OXNAD1: variants seen among roughly 807,000 people sequenced by gnomAD.
OXNAD1 encodes oxidoreductase NAD-binding domain-containing protein 1.
In OXNAD1, 34 loss-of-function variants were observed where a neutral mutation model predicts 32.9. The observed-to-expected ratio is 1.03, with a 90% confidence interval of 0.79 to 1.38. The LOEUF (loss-of-function observed/expected upper bound fraction) is 1.38, where lower values mean the gene tolerates loss of function less well. Ranked by LOEUF, OXNAD1 falls within the 40% of genes most tolerant of loss-of-function variation. The probability of loss-of-function intolerance (pLI) is 0.00; values close to 1 mark genes in which losing one functional copy is unlikely to be tolerated. For missense variants in OXNAD1, 407 were observed against 379.4 expected (o/e 1.07, Z -0.60); for synonymous variants, 134 against 135.2 (o/e 0.99, Z 0.06).
intron 9 of OXNAD1, among the ~76,000 whole-genome samples, chr3:16,315,184 C>G (rs1191903074): frequency 3.3e-5 from 5 of 152,160 alleles, no homozygotes; most frequent in African/African-American, 7.2e-5. Flanking sequence ...GGTGCAGTCT[C>G]GGCTCACTGC....
In OXNAD1 at chr3:16,342,800, G is replaced by A. The variant is rs1207278881; in HGVS notation, c.*31-6376G>A. Among the ~76,000 whole-genome samples the A allele has an allele frequency of 6.6e-6, 1 of 152,158 alleles. No homozygotes were observed. The highest frequency in any genetic ancestry group is 6.5e-5 in the Admixed American group (1 of 15,284). ...CATGCCCAGCTTATTCAAGTTGGAA[G>A]GGGTCAGGGTGGACCTCTAGTCCAG... On this transcript the variant is annotated intron_variant, in intron 9 of 9. Transcript: ENST00000606098. The surrounding 1 kb of genome is among the most constrained non-coding windows in gnomAD (Gnocchi z 4.0).
At position 16,302,676 on chromosome 3, in the gene OXNAD1, A is replaced by G. The variant is rs2067273447; in HGVS notation, c.712A>G (p.Lys238Glu). The change falls in exon 8 of 9, where the codon AAG (lysine) becomes GAG (glutamate). Residue 238 changes from lysine to glutamate, a missense_variant. Coordinates refer to ENST00000285083, the MANE Select transcript of OXNAD1 (RefSeq NM_138381.5). This position sits in a 1 kb window ranked among gnomAD's most constrained non-coding sequence, Gnocchi z 4.2. ...TGATTTAGTAAATGAATTTCCTGAG[A>G]AGATTGCATGCAGTTTGCATGTTAC... is the stretch of plus-strand genomic sequence containing the variant. Reference protein sequence around the residue: ...ILDLVNEFPEKIACSLHVTKQ... With the variant: ...ILDLVNEFPEEIACSLHVTKQ... 6.2e-7 allele frequency: 1 copy of G among 1,613,452 alleles called. No individual in the cohort carries two copies. The highest frequency in any genetic ancestry group is 8.5e-7 in the Non-Finnish European group (1 of 1,179,578).
Position 16,280,929 on chromosome 3 carries a change from T to C in OXNAD1, c.184-5413T>C, listed in dbSNP as rs1210988643. Among the ~76,000 whole-genome samples, 2 of 152,248 alleles carry C rather than the reference T, an allele frequency of 1.3e-5. No homozygotes were observed. The highest frequency in any genetic ancestry group is 6.5e-5 in the Admixed American group (1 of 15,288). ...TTATGGAAAACTTCATTTCCTGCCATGTGTTTTAACTTAGGACATGGATAG... is the reference window on the plus strand; with the variant it reads ...TTATGGAAAACTTCATTTCCTGCCACGTGTTTTAACTTAGGACATGGATAG... On this transcript the variant is annotated intron_variant, in intron 4 of 8. Coordinates refer to ENST00000285083, the MANE Select transcript of OXNAD1 (RefSeq NM_138381.5). The surrounding 1 kb of genome is among the most constrained non-coding windows in gnomAD (Gnocchi z 4.5).
chr3:16,287,307 TAGA>T lies in OXNAD1; in HGVS notation c.290+862_290+864del, dbSNP rs147256827. On this transcript the variant is annotated intron_variant, in intron 5 of 8. Transcript: ENST00000285083. The surrounding 1 kb of genome is among the most constrained non-coding windows in gnomAD (Gnocchi z 4.8). ...AGTCCATCTGGAAATGTGGTTTTGT[TAGA>T]AGGAGGATGTGTGATAATAGCAAGT... Among the ~76,000 whole-genome samples, 425 of 152,316 alleles carry T rather than the reference TAGA, an allele frequency of 2.8e-3. 1 individual carries two copies. Among genetic ancestry groups the T allele is most frequent in the African/African-American group, 1.0e-2 (414 of 41,564 alleles).
In OXNAD1 at chr3:16,290,438, A is replaced by G. The variant is rs2066355563; in HGVS notation, c.290+3990A>G. On this transcript the variant is annotated intron_variant, in intron 5 of 8. Transcript: ENST00000285083. This position sits in a 1 kb window ranked among gnomAD's most constrained non-coding sequence, Gnocchi z 4.2. Reference sequence around the variant, plus strand: ...GGTAGCTTTCCAGAGTTACTAGAGAAGAGGGTTGGTTCCCTTTCATTCAAC... The same window carrying G: ...GGTAGCTTTCCAGAGTTACTAGAGAGGAGGGTTGGTTCCCTTTCATTCAAC... 6.6e-6 allele frequency among the ~76,000 whole-genome samples: 1 copy of G among 152,212 alleles called. No individual in the cohort carries two copies. The highest frequency in any genetic ancestry group is 1.5e-5 in the Non-Finnish European group (1 of 68,040).
Position 16,286,386 on chromosome 3 carries a change from G to A in OXNAD1, c.228G>A (p.Pro76=), listed in dbSNP as rs374025236. The A allele has an allele frequency of 5.6e-5, 91 of 1,613,848 alleles. No individual in the cohort carries two copies. The highest frequency in any genetic ancestry group is 7.1e-5 in the Non-Finnish European group (84 of 1,179,868). Residue 76 remains proline (P), a synonymous_variant, in exon 5 of 9, where the codon CCG becomes CCA. Transcript: ENST00000285083. ...AKVCGAASES[P]SVKSLRLLVA... is the part of the protein sequence containing the mutation. The stretch of plus-strand genomic sequence containing the variant: ...TGTGTGGAGCTGCCAGTGAGTCACC[G>A]TCAGTGAAGAGCCTCCGCTTGCTTG...
intron 4 of OXNAD1, among the ~76,000 whole-genome samples, chr3:16,278,984 G>T (rs2065549822): frequency 6.6e-6 from 1 of 152,230 alleles, no homozygotes; most frequent in Non-Finnish European, 1.5e-5. Flanking sequence ...GCATGTCAAG[G>T]AGATTGTGGT....
At chr3:16,279,696 A>G (rs2065611327) in intron 4 of OXNAD1, among the ~76,000 whole-genome samples, 1 of 152,022 alleles carries the variant, frequency 6.6e-6, no homozygotes, top group African/African-American at 2.4e-5. Context: ...GGGGAAAAGT[A>G]TTTCAAGAAA....
chr3:16,268,236 C>G (rs1307105886), intron 1 of OXNAD1, among the ~76,000 whole-genome samples: 1 of 148,360 alleles, frequency 6.7e-6, no homozygotes, highest in Non-Finnish European at 1.5e-5. Context: ...TAAAAATGTC[C>G]TTTATTTACC....
At chr3:16,351,165 T>C (rs1443349789), downstream of OXNAD1, among the ~76,000 whole-genome samples, 1 of 152,086 alleles carries the variant, frequency 6.6e-6, no homozygotes, top group Non-Finnish European at 1.5e-5. The surrounding 1 kb of genome is among the most constrained non-coding windows in gnomAD (Gnocchi z 5.4). Flanking sequence ...AATAGAGGAA[T>C]GGAAGATGGA....
At position 16,284,728 on chromosome 3, in the gene OXNAD1, G is replaced by A. The variant is rs1575093489; in HGVS notation, c.184-1614G>A. On this transcript the variant is annotated intron_variant, in intron 4 of 8. Coordinates refer to ENST00000285083, the MANE Select transcript of OXNAD1 (RefSeq NM_138381.5). The surrounding 1 kb of genome is among the most constrained non-coding windows in gnomAD (Gnocchi z 4.1). ...CCCAGCAACCCTATGAGGTATAGGT[G>A]GTATTATTCTCATTTTATAGCTGAG... Among the ~76,000 whole-genome samples, 1 of 152,168 alleles carries A rather than the reference G, an allele frequency of 6.6e-6. No individual in the cohort carries two copies. The highest frequency in any genetic ancestry group is 2.1e-4 in the South Asian group (1 of 4,834).
rs528792217 is a variant in OXNAD1, at chr3:16,316,134, C to T, written c.*30+12542C>T. 2.0e-5 allele frequency: 3 copies of T among 153,376 alleles called. No individual in the cohort carries two copies. The highest frequency in any genetic ancestry group is 4.8e-5 in the African/African-American group (2 of 41,588). 9.5% of individuals were successfully genotyped at this position (153,376 alleles called of 1,614,324 possible). ...TGTGGTTTGTATGATGTGCTGAGTA[C>T]AAAACCTTTAAAAACAACTTTTTGG... On this transcript the variant is annotated intron_variant, in intron 9 of 9. Coordinates refer to the OXNAD1 transcript ENST00000435829. The surrounding 1 kb of genome is among the most constrained non-coding windows in gnomAD (Gnocchi z 4.5).
At chr3:16,323,701 G>A (rs561809795) in intron 9 of OXNAD1, among the ~76,000 whole-genome samples, 3 of 152,308 alleles carry the variant, frequency 2.0e-5, no homozygotes, top group Admixed American at 6.5e-5. Flanking sequence ...AGCTGGACAC[G>A]CCCATTCCCT....
rs2066232052 is a variant in OXNAD1 at position 16,288,658 on chromosome 3, C to T, written c.290+2210C>T. 6.6e-6 allele frequency among the ~76,000 whole-genome samples: 1 copy of T among 152,204 alleles called. No homozygotes were observed. The highest frequency in any genetic ancestry group is 2.4e-5 in the African/African-American group (1 of 41,454). On this transcript the variant is annotated intron_variant, in intron 5 of 8. Coordinates refer to ENST00000285083, the MANE Select transcript of OXNAD1 (RefSeq NM_138381.5). This position sits in a 1 kb window ranked among gnomAD's most constrained non-coding sequence, Gnocchi z 5.1. ...GTTCCAAGAACTGTAGCAATCCAATCCCGAGAGAAAGGCCAAAGGCAGAAC... is the reference window on the plus strand; with the variant it reads ...GTTCCAAGAACTGTAGCAATCCAATTCCGAGAGAAAGGCCAAAGGCAGAAC...
intron 9 of OXNAD1, among the ~76,000 whole-genome samples, chr3:16,319,602 G>A (rs76232048): frequency 6.6e-6 from 1 of 152,158 alleles, no homozygotes; most frequent in Non-Finnish European, 1.5e-5. Context: ...TACTCTCTCC[G>A]GGGCTGCTCT....
At chr3:16,278,732 A>G (rs1354306839) in intron 4 of OXNAD1, among the ~76,000 whole-genome samples, 3 of 152,232 alleles carry the variant, frequency 2.0e-5, no homozygotes, top group East Asian at 1.9e-4. Context: ...TAATTGAGCA[A>G]TGTGTTACTA....
intron 9 of OXNAD1, among the ~76,000 whole-genome samples, chr3:16,324,801 C>T (rs1301381837): frequency 3.9e-5 from 6 of 152,052 alleles, no homozygotes; most frequent in African/African-American, 1.4e-4. Context: ...GCAGATCCCT[C>T]TTCTGCATAC....
chr3:16,351,334 C>T (rs1170420367), downstream of OXNAD1, among the ~76,000 whole-genome samples: 1 of 152,140 alleles, frequency 6.6e-6, no homozygotes, highest in African/African-American at 2.4e-5. This position sits in a 1 kb window ranked among gnomAD's most constrained non-coding sequence, Gnocchi z 5.4. Context: ...TTCAGGGAAG[C>T]CAAGGCTGGA....
chr3:16,270,785 T>G, intron 2 of OXNAD1, 160 bp from the exon 3 acceptor site: 1 of 939,166 alleles, frequency 1.1e-6, no homozygotes, highest in Non-Finnish European at 1.6e-6. Flanking sequence ...GGCAGAAATT[T>G]TGTCAAGGTG....
Sources: gnomAD v4.1 joint callset for allele counts (sites outside exome capture counted in the v4.1 genomes callset) on GRCh38, gnomAD v4.1.1 for gene constraint, Gnocchi (gnomAD v3.1) non-coding constraint, MANE v1.5 for transcripts, NCBI Gene and HGNC (gene_info 2026-07-23, HGNC 2026-07-21) for gene names.